Variants in CALM2 observed in about 807,000 individuals in gnomAD.
CALM2 encodes calmodulin-2.
Under a neutral mutation model 19.8 loss-of-function variants are expected in CALM2, and 2 were observed. That is an observed-to-expected ratio of 0.10 (90% CI 0.04 to 0.32). CALM2 has a LOEUF of 0.32. Among genes scored for constraint, CALM2 ranks in the 10% least tolerant of loss-of-function variants. The pLI, the probability that CALM2 is intolerant of heterozygous loss-of-function variation, is 1.00. For synonymous variants in CALM2, 51 were observed against 52.1 expected, an observed-to-expected ratio of 0.98 and a Z score of 0.09; for missense variants, 38 against 178.7, an observed-to-expected ratio of 0.21 and a Z score of 4.49.
chr2:47,167,817 T>TTTTTTTTTTTTTTTTTTTA (rs70940664), intron 2 of CALM2: 5 of 142,978 alleles, frequency 3.5e-5, no homozygotes, highest in African/African-American at 8.0e-5. Context: ...TTCTTTTCTT[T>TTTTTTTTTTTTTTTTTTTA]GAGACAGGGT....
intron 3 of CALM2, 54 bp downstream of exon 3, chr2:47,162,465 C>T (rs994243072): frequency 1.2e-6 from 2 of 1,611,190 alleles, no homozygotes; most frequent in Admixed American, 1.7e-5. Context: ...TTAGTGGAAA[C>T]ATCTAAGTAT....
At position 47,162,661 on chromosome 2, in the gene CALM2, T is replaced by C; in HGVS notation, c.36A>G (p.Glu12=). Residue 12 remains glutamate (E), a splice_region_variant and synonymous_variant, in exon 3 of 6, where the codon GAA becomes GAG. Coordinates refer to ENST00000272298, the MANE Select transcript of CALM2 (RefSeq NM_001743.6). ...ADQLTEEQIA[E]FKEAFSLFDK... is the part of the protein sequence containing the mutation. ...CAAATAGTGAAAAAGCTTCTTTGAA[T>C]TCTGTTTGAAAGAAAGACCACAATC... The C allele has an allele frequency of 6.3e-7, 1 of 1,593,156 alleles. No individual in the cohort carries two copies. Among genetic ancestry groups the C allele is most frequent in the Non-Finnish European group, 8.5e-7 (1 of 1,170,158 alleles).
intron 2 of CALM2, among the ~76,000 whole-genome samples, chr2:47,166,179 T>C (rs965316169): frequency 6.6e-6 from 1 of 152,202 alleles, no homozygotes; most frequent in Non-Finnish European, 1.5e-5. Flanking sequence ...GACATTTCAA[T>C]TTTACTGTTT....
chr2:47,173,113 T>C (rs1380740234), intron 1 of CALM2: 1 of 152,186 alleles, frequency 6.6e-6, no homozygotes, highest in Non-Finnish European at 1.5e-5. Flanking sequence ...TTGTATTACT[T>C]ATCCAGAGTT....
intron 1 of CALM2, chr2:47,173,412 C>A (rs1666738458): frequency 6.6e-6 from 1 of 152,236 alleles, no homozygotes; most frequent in South Asian, 2.1e-4. Context: ...ATTCTTCCCA[C>A]TGCTCTTGCC....
At chr2:47,176,751 GC>G, upstream of CALM2, 5 of 1,363,964 alleles carry the variant, frequency 3.7e-6, no homozygotes, top group Non-Finnish European at 4.7e-6. Flanking sequence ...CGGTGGAGCG[GC>G]CCCTGAGGGG....
At chr2:47,170,684 C>T in intron 2 of CALM2, 50 bp downstream of exon 2, 1 of 1,442,538 alleles carries the variant, frequency 6.9e-7, no homozygotes, top group Non-Finnish European at 9.8e-7. Flanking sequence ...GTTGGCTATT[C>T]AATTTATAAT....
At chr2:47,172,662 A>T in intron 1 of CALM2, 3 of 331,096 alleles carry the variant, frequency 9.1e-6, no homozygotes, top group Non-Finnish European at 1.7e-5. Flanking sequence ...ACAAGGTGCA[A>T]CCCAGCGACA....
chr2:47,164,254 AAGAAAAAG>A lies in CALM2; in HGVS notation c.35-1600_35-1593del, dbSNP rs767632730. Reference sequence around the variant, plus strand: ...CTCCGTCTCAAAAAAAAAAAAAAAGAAGAAAAAGAAAAGAAACCCCGTCTCTACTAAAA... The same window carrying A: ...CTCCGTCTCAAAAAAAAAAAAAAAGAAAAAGAAACCCCGTCTCTACTAAAA... On this transcript the variant is annotated intron_variant, in intron 2 of 5. Transcript: ENST00000272298. Among the ~76,000 whole-genome samples, 10 of 48,676 alleles carry A rather than the reference AAGAAAAAG, an allele frequency of 2.1e-4. 1 individual carries two copies. The highest frequency in any genetic ancestry group is 1.3e-3 in the East Asian group (1 of 774). The allele number at this position is 48,676 out of a possible 152,430, so 31.9% of individuals were successfully genotyped here. A position where few individuals can be genotyped will look rare whatever the true frequency, so the allele number is the denominator to read the frequency against.
At chr2:47,169,939 T>G (rs1666611178) in intron 2 of CALM2, among the ~76,000 whole-genome samples, 2 of 148,334 alleles carry the variant, frequency 1.3e-5, no homozygotes, top group African/African-American at 5.0e-5. Flanking sequence ...AAGGAATAGT[T>G]TGCAAAGCAT....
At chr2:47,164,605 A>AAAG (rs1666396940) in intron 2 of CALM2, among the ~76,000 whole-genome samples, 1 of 152,138 alleles carries the variant, frequency 6.6e-6, no homozygotes, top group South Asian at 2.1e-4. Flanking sequence ...CAAAAAAAAA[A>AAAG]AAAGAAAGAA....
At chr2:47,176,687 G>A, upstream of CALM2, 13 of 1,419,812 alleles carry the variant, frequency 9.2e-6, no homozygotes, top group Non-Finnish European at 1.1e-5. Context: ...ATCAAGGAAA[G>A]TGGGCGAACG....
Position 47,173,385 on chromosome 2 carries a change from C to A in CALM2, c.4-2621G>T, listed in dbSNP as rs189821316. 24 of 152,292 alleles carry A rather than the reference C, an allele frequency of 1.6e-4. No homozygotes were observed. In the East Asian group the frequency reaches 4.6e-3, roughly 29 times the overall value. The allele number at this position is 152,292 out of a possible 1,614,324, so 9.4% of individuals were successfully genotyped here. A position where few individuals can be genotyped will look rare whatever the true frequency, so the allele number is the denominator to read the frequency against. ...ATGACTTGTTCTTACTCCCTTATTT[C>A]TGTAGCTATTGACATAATTCTTCCC... On this transcript the variant is annotated intron_variant, in intron 1 of 5. Transcript: ENST00000272298.
intron 4 of CALM2, 95 bp downstream of exon 4, chr2:47,162,191 A>AAAAAAAAAAAAAC (rs1687179831): frequency 2.1e-6 from 1 of 485,224 alleles, no homozygotes; most frequent in African/African-American, 2.1e-5. Flanking sequence ...AAAAAAAAAA[A>AAAAAAAAAAAAAC]AAAAAAAAAC....
rs777148149 is a variant in CALM2, at chr2:47,170,816, C to T, written c.4-52G>A. On this transcript the variant is annotated intron_variant, in intron 1 of 5. Transcript: ENST00000272298. Reference sequence around the variant, plus strand: ...AGTGACTTGAGAGTATGTAGATTAGCAGTTACAGAAACAAGTTTAAAACCT... The same window carrying T: ...AGTGACTTGAGAGTATGTAGATTAGTAGTTACAGAAACAAGTTTAAAACCT... The T allele has an allele frequency of 2.5e-5, 37 of 1,479,540 alleles. No homozygotes were observed. In the East Asian group the frequency reaches 8.4e-4, roughly 33 times the overall value. The allele number at this position is 1,479,540 out of a possible 1,614,324, so 91.7% of individuals were successfully genotyped here. A position where few individuals can be genotyped will look rare whatever the true frequency, so the allele number is the denominator to read the frequency against.
chr2:47,166,566 A>G (rs1259211567), intron 2 of CALM2, among the ~76,000 whole-genome samples: 2 of 152,234 alleles, frequency 1.3e-5, no homozygotes, highest in Admixed American at 6.5e-5. Flanking sequence ...AAAGGAACAA[A>G]TAACATTTCT....
chr2:47,176,364 G>A lies in CALM2; in HGVS notation c.3+77C>T, dbSNP rs953398534. ...CTCCTTGAAGGTGTAAGGGAGGCGA[G>A]TTTCCTTTGTTTAGTCAGTTCGCTC... On this transcript the variant is annotated intron_variant, in intron 1 of 5. Transcript: ENST00000272298. The A allele has an allele frequency of 1.1e-5, 18 of 1,566,010 alleles. No individual in the cohort carries two copies. The East Asian group carries it at 1.8e-4, about 16-fold the overall frequency.
At chr2:47,172,558 G>C in intron 1 of CALM2, 1 of 867,340 alleles carries the variant, frequency 1.2e-6, no homozygotes, top group Non-Finnish European at 1.6e-6. Context: ...ACCGAATGTA[G>C]ACATGCATGG....
In CALM2 at chr2:47,176,479, A is replaced by T. The variant is rs367979208; in HGVS notation, c.-36T>A. On this transcript the variant is annotated 5_prime_UTR_variant, in exon 1 of 6. Transcript: ENST00000272298. ...CTACCGGTTTCCGAGACGCGACCAC[A>T]CAACCACTCAGCTCGCTCTCTCCAC... 3 of 1,613,418 alleles carry T rather than the reference A, an allele frequency of 1.9e-6. No homozygotes were observed. The highest frequency in any genetic ancestry group is 2.5e-6 in the Non-Finnish European group (3 of 1,179,838).
Sources: gnomAD v4.1 joint callset for allele counts (sites outside exome capture counted in the v4.1 genomes callset) on GRCh38, gnomAD v4.1.1 for gene constraint, MANE v1.5 for transcripts, NCBI Gene and HGNC (gene_info 2026-07-23, HGNC 2026-07-21) for gene names.